COL18A1: variants seen among roughly 807,000 people sequenced by gnomAD.
COL18A1 encodes collagen type XVIII alpha 1 chain.
In COL18A1, 133 loss-of-function variants were observed where a neutral mutation model predicts 168.0. The ratio of observed to expected loss-of-function variants is 0.79; its 90% confidence interval spans 0.69 to 0.91. The LOEUF is 0.91. Among genes scored for constraint, COL18A1 ranks in the 40% least tolerant of loss-of-function variants. COL18A1 has a pLI of 0.00. For missense variants in COL18A1, 2,126 were observed against 1,925.4 expected (o/e 1.10, Z -1.95); for synonymous variants, 949 against 809.0 (o/e 1.17, Z -2.94).
At chr21:45,482,526 T>C (rs1208242641) in intron 14 of COL18A1, among the ~76,000 whole-genome samples, 2 of 152,160 alleles carry the variant, frequency 1.3e-5, no homozygotes, top group Non-Finnish European at 2.9e-5. Flanking sequence ...AGGGCCCTTC[T>C]TGGGGAGGCA....
intron 2 of COL18A1, among the ~76,000 whole-genome samples, chr21:45,428,545 G>A (rs536044215): frequency 6.6e-6 from 1 of 152,354 alleles, no homozygotes; most frequent in African/African-American, 2.4e-5. Context: ...AGTACAGCCA[G>A]AAGGCTGTGC....
chr21:45,494,949 A>T, intron 28 of COL18A1, 34 bp downstream of exon 28: 1 of 1,592,692 alleles, frequency 6.3e-7, no homozygotes, highest in Non-Finnish European at 8.6e-7. Flanking sequence ...GGGGCGGCAG[A>T]TGGGGTCTGG....
chr21:45,494,658 T>C, intron 27 of COL18A1, 87 bp downstream of exon 27: 2 of 1,586,774 alleles, frequency 1.3e-6, no homozygotes, highest in Non-Finnish European at 1.7e-6. Flanking sequence ...GAGCTTGTGC[T>C]GTGCGGCCCA....
intron 1 of COL18A1, 32 bp from the exon 2 acceptor site, chr21:45,405,320 CGGGTCCTGCGGGGGTCGCGGGGGTCCT>C: frequency 2.6e-6 from 1 of 385,144 alleles, no homozygotes; most frequent in Non-Finnish European, 3.2e-6. Flanking sequence ...GGGGCTCGGC[CGGGTCCTGCGGGGGTCGCGGGGGTCCT>C]GCGGGGTCTG....
Position 45,479,911 on chromosome 21 carries a change from G to A in COL18A1, c.1258G>A (p.Gly420Arg), listed in dbSNP as rs771294144. ...GGATGTTGTGTTCCAGGGCGACACC[G>A]GGCCACAAGGCTTCCCCGGGACTCC... ...PGEDGKPGDT[G>R]PQGFPGTPGD... is the part of the protein sequence containing the mutation. The change falls in exon 10 of 42, where the codon GGG becomes AGG. Residue 420 changes from glycine (G) to arginine (R), a missense_variant. Gly to Arg is a moderately radical substitution (Grantham distance 125). Transcript: ENST00000651438. 1.3e-5 allele frequency: 21 copies of A among 1,613,592 alleles called. No homozygotes were observed. The highest frequency in any genetic ancestry group is 2.7e-5 in the African/African-American group (2 of 74,846).
In COL18A1 at chr21:45,510,099, C is replaced by T. The variant is rs376208451; in HGVS notation, c.3531C>T (p.Gly1177=). The change falls in exon 40 of 42, where the codon GGC becomes GGT. Residue 1177 remains glycine, a synonymous_variant. Coordinates refer to ENST00000651438, the MANE Select transcript of COL18A1 (RefSeq NM_001379500.1). The stretch of plus-strand genomic sequence containing the variant: ...TTGCGCTCAACAGCCCCCTGTCAGG[C>T]GGCATGCGGGGCATCCGCGGGGCCG... ...HLVALNSPLS[G]GMRGIRGADF... is the part of the protein sequence containing the mutation. 128 of 1,589,516 alleles carry T rather than the reference C, an allele frequency of 8.1e-5. No homozygotes were observed. The East Asian group carries it at 2.3e-3, about 29-fold the overall frequency.
In COL18A1 at chr21:45,427,564, G is replaced by A. The variant is rs532994903; in HGVS notation, c.106+22091G>A. 3.7e-3 allele frequency among the ~76,000 whole-genome samples: 560 copies of A among 152,314 alleles called. 2 individuals are homozygous for A. The highest frequency in any genetic ancestry group is 0.014 in the Middle Eastern group (4 of 294). On this transcript the variant is annotated intron_variant, in intron 2 of 41. Transcript: ENST00000651438. ...CCCCTGCTCTTGACCTCACACCTCT[G>A]CGGTGTGTCTGGACACACCAGCACC...
intron 2 of COL18A1, among the ~76,000 whole-genome samples, chr21:45,439,691 C>A (rs143649885): frequency 6.6e-6 from 1 of 152,222 alleles, no homozygotes. Context: ...GTGTTTTGCC[C>A]GGAGCTGCTG....
intron 2 of COL18A1, among the ~76,000 whole-genome samples, chr21:45,441,220 G>T (rs1329980426): frequency 6.6e-6 from 1 of 152,180 alleles, no homozygotes; most frequent in South Asian, 2.1e-4. Context: ...CTGCTCCTGC[G>T]TGGCCCTGGT....
intron 2 of COL18A1, among the ~76,000 whole-genome samples, chr21:45,437,941 CTCAG>C (rs763017538): frequency 1.4e-4 from 9 of 64,946 alleles, no homozygotes; most frequent in Non-Finnish European, 2.3e-4. Flanking sequence ...CACACACACA[CTCAG>C]ACACACAGGC....
In COL18A1 at chr21:45,498,265, A is replaced by G. The variant is rs1479571169; in HGVS notation, c.2683+604A>G. ...TGGCAGAGCAGAAGCCCAGAGAGCCAGGCTAGCCTCGGGCGCCTTTCACCA... is the reference window on the plus strand; with the variant it reads ...TGGCAGAGCAGAAGCCCAGAGAGCCGGGCTAGCCTCGGGCGCCTTTCACCA... On this transcript the variant is annotated intron_variant, in intron 32 of 41. Coordinates refer to ENST00000651438, the MANE Select transcript of COL18A1 (RefSeq NM_001379500.1). This position sits in a 1 kb window ranked among gnomAD's most constrained non-coding sequence, Gnocchi z 4.5. 1 of 706,192 alleles carries G rather than the reference A, an allele frequency of 1.4e-6. No individual in the cohort carries two copies. The highest frequency in any genetic ancestry group is 2.6e-6 in the Non-Finnish European group (1 of 384,700). The allele number at this position is 706,192 out of a possible 1,614,324, so 43.7% of individuals were successfully genotyped here.
At chr21:45,468,842 G>C in intron 3 of COL18A1, 56 bp downstream of exon 3, 3 of 1,441,344 alleles carry the variant, frequency 2.1e-6, no homozygotes, top group Non-Finnish European at 2.8e-6. Flanking sequence ...GGGGTGGGGT[G>C]GGGGTGGCCA....
chr21:45,411,493 GA>G (rs1453298780), intron 2 of COL18A1, among the ~76,000 whole-genome samples: 2 of 152,124 alleles, frequency 1.3e-5, no homozygotes, highest in African/African-American at 4.8e-5. Flanking sequence ...AGAAGAGAAG[GA>G]AACACCACAA....
At chr21:45,437,210 G>GCACA (rs368081758) in intron 2 of COL18A1, among the ~76,000 whole-genome samples, 2 of 83,654 alleles carry the variant, frequency 2.4e-5, no homozygotes, top group African/African-American at 1.3e-4. Flanking sequence ...GCACTCTCCT[G>GCACA]CACACACACA....
At chr21:45,438,664 C>T (rs568915360) in intron 2 of COL18A1, among the ~76,000 whole-genome samples, 17 of 152,334 alleles carry the variant, frequency 1.1e-4, no homozygotes, top group African/African-American at 3.8e-4. Flanking sequence ...CTGAGCCCTT[C>T]CATGGCTGTT....
intron 2 of COL18A1, among the ~76,000 whole-genome samples, chr21:45,436,033 C>T (rs1478948883): frequency 4.6e-5 from 7 of 152,202 alleles, no homozygotes. Flanking sequence ...AAGGGGGACA[C>T]TGGGGCCTCA....
At chr21:45,479,594 A>G (rs558282250) in intron 9 of COL18A1, among the ~76,000 whole-genome samples, 8 of 147,800 alleles carry the variant, frequency 5.4e-5, no homozygotes, top group South Asian at 4.3e-4. Context: ...CACACACACC[A>G]TGCATACCAC....
intron 9 of COL18A1, 67 bp downstream of exon 9, chr21:45,478,420 T>G: frequency 6.2e-7 from 1 of 1,607,970 alleles, no homozygotes; most frequent in Non-Finnish European, 8.5e-7. Flanking sequence ...AGGGCTTTGT[T>G]GCCAGTGACA....
At chr21:45,483,320 C>T (rs145873766) in intron 15 of COL18A1, among the ~76,000 whole-genome samples, 2 of 152,322 alleles carry the variant, frequency 1.3e-5, no homozygotes, top group African/African-American at 4.8e-5. Flanking sequence ...GAAGGCAGCC[C>T]GGGTGTCCTT....
Sources: gnomAD v4.1 joint callset for allele counts (sites outside exome capture counted in the v4.1 genomes callset) on GRCh38, gnomAD v4.1.1 for gene constraint, Gnocchi (gnomAD v3.1) non-coding constraint, MANE v1.5 for transcripts, NCBI Gene and HGNC (gene_info 2026-07-23, HGNC 2026-07-21) for gene names.